The following VIPR1 variants were observed in gnomAD, a reference collection of about 807,000 sequenced individuals.
The protein encoded by VIPR1 is vasoactive intestinal polypeptide receptor 1.
Under a neutral mutation model 58.8 loss-of-function variants are expected in VIPR1, and 59 were observed. That is an observed-to-expected ratio of 1.00 (90% CI 0.81 to 1.25). The LOEUF (loss-of-function observed/expected upper bound fraction) is 1.25. Among genes scored for constraint, VIPR1 ranks in the 50% most tolerant of loss-of-function variants. The pLI is 0.00. For synonymous variants in VIPR1, 251 were observed against 242.1 expected, an observed-to-expected ratio of 1.04 and a Z score of -0.34; for missense variants, 626 against 602.7, an observed-to-expected ratio of 1.04 and a Z score of -0.40.
intron 11 of VIPR1, 35 bp from the exon 12 acceptor site, chr3:42,535,308 G>A (rs1488337648): frequency 6.2e-7 from 1 of 1,613,428 alleles, no homozygotes; most frequent in African/African-American, 1.3e-5. Flanking sequence ...CTTCTGGTCT[G>A]TCTACCTCAC....
upstream of VIPR1, among the ~76,000 whole-genome samples, chr3:42,501,302 C>A (rs1699864329): frequency 1.3e-5 from 2 of 152,068 alleles, no homozygotes; most frequent in Admixed American, 6.5e-5. This position sits in a 1 kb window ranked among gnomAD's most constrained non-coding sequence, Gnocchi z 4.8. Context: ...GGGAGGGAAG[C>A]CCTGGTGGGT....
intron 1 of VIPR1, chr3:42,513,415 C>A: frequency 4.0e-6 from 1 of 250,826 alleles, no homozygotes. Context: ...TGGAGAGTGG[C>A]AGAGTCCAGA....
chr3:42,502,843 C>A, intron 1 of VIPR1, 30 bp downstream of exon 1: 1 of 1,226,734 alleles, frequency 8.2e-7, no homozygotes, highest in Non-Finnish European at 1.0e-6. Flanking sequence ...CCCAGAGTCC[C>A]GGCAGCCTGG....
intron 1 of VIPR1, chr3:42,506,418 C>T (rs531660017): frequency 7.5e-4 from 115 of 152,470 alleles, no homozygotes; most frequent in African/African-American, 2.6e-3. Flanking sequence ...CTGTTCAACC[C>T]CCAGATTCTG....
At chr3:42,528,450 T>A in intron 6 of VIPR1, 1 of 299,990 alleles carries the variant, frequency 3.3e-6, no homozygotes, top group Non-Finnish European at 6.4e-6. Flanking sequence ...TATGTGGCCT[T>A]GGGGAACTTA....
Position 42,496,817 on chromosome 3 carries a change from C to T in VIPR1, c.-245+7139C>T, listed in dbSNP as rs138519750. ...ATATTTTATTTTTAATCCTCTCATA[C>T]GAGCAATCTTTATTTTTAATCTTCC... On this transcript the variant is annotated intron_variant, in intron 1 of 13. Coordinates refer to the VIPR1 transcript ENST00000433647. Among the ~76,000 whole-genome samples, 31 of 152,244 alleles carry T rather than the reference C, an allele frequency of 2.0e-4. No homozygotes were observed. The East Asian group carries it at 4.8e-3, about 24-fold the overall frequency.
chr3:42,536,972 G>A lies in VIPR1; in HGVS notation c.*691G>A, dbSNP rs1701892856. 1 of 152,212 alleles carries A rather than the reference G, an allele frequency of 6.6e-6. No homozygotes were observed. Among genetic ancestry groups the A allele is most frequent in the African/African-American group, 2.4e-5 (1 of 41,444 alleles). 9.4% of individuals were successfully genotyped at this position (152,212 alleles called of 1,614,324 possible). A position where few individuals can be genotyped will look rare whatever the true frequency, so the allele number is the denominator to read the frequency against. ...AACCCAAGGACTGAGGGACTCTGAAGCCTCTGGGAAATGAGAAGGCAGCCA... is the reference window on the plus strand; with the variant it reads ...AACCCAAGGACTGAGGGACTCTGAAACCTCTGGGAAATGAGAAGGCAGCCA... On this transcript the variant is annotated 3_prime_UTR_variant, in exon 13 of 13. Transcript: ENST00000325123.
At chr3:42,532,724 C>T (rs534089293) in intron 10 of VIPR1, 1 of 265,408 alleles carries the variant, frequency 3.8e-6, no homozygotes, top group African/African-American at 2.1e-5. Flanking sequence ...CTGGGGGAGA[C>T]CCCAGTCCAC....
At position 42,525,940 on chromosome 3, in the gene VIPR1, G is replaced by C; in HGVS notation, c.346G>C (p.Gly116Arg). ...CGAAGGCTGGACGCACCTGGAGCCT[G>C]GCCCGTACCCCATTGCCTGTGGTTT... ...TDEGWTHLEP[G>R]PYPIACGLDD... Residue 116 changes from glycine to arginine, a missense_variant, in exon 4 of 13, where the codon GGC (glycine) becomes CGC (arginine). By Grantham distance (125) the Gly-to-Arg change is moderately radical. Transcript: ENST00000325123. The C allele has an allele frequency of 6.2e-7, 1 of 1,613,726 alleles. No individual in the cohort carries two copies. The highest frequency in any genetic ancestry group is 1.1e-5 in the South Asian group (1 of 90,906).
At chr3:42,513,529 C>A (rs543629557) in intron 1 of VIPR1, 92 of 518,450 alleles carry the variant, frequency 1.8e-4, no homozygotes, top group Non-Finnish European at 2.8e-4. Context: ...ATGGGGGAGC[C>A]ATCAAGAAGC....
rs200788566 is a variant in VIPR1, at chr3:42,527,521, C to T, written c.503+25C>T. The T allele has an allele frequency of 8.7e-6, 14 of 1,608,516 alleles. No individual in the cohort carries two copies. In the African/African-American group the frequency reaches 1.7e-4, roughly 20 times the overall value. On this transcript the variant is annotated intron_variant, in intron 5 of 12. Coordinates refer to ENST00000325123, the MANE Select transcript of VIPR1 (RefSeq NM_004624.4). ...GGTGAGGCCCAGCCCAAGTCACAGG[C>T]CTCAAAGCAAACCTGGCAAGTGTCC...
chr3:42,509,178 G>T (rs1238822902), intron 1 of VIPR1: 1 of 152,212 alleles, frequency 6.6e-6, no homozygotes, highest in Non-Finnish European at 1.5e-5. Flanking sequence ...TCTTTCTCCT[G>T]CCTCACCTTA....
Position 42,531,737 on chromosome 3 carries a change from G to A in VIPR1, c.852-66G>A, listed in dbSNP as rs1365652570. ...GGAGCAGAGCTGGGGACAACTGGGG[G>A]AGGTGCTGCTGAGTCTCTCTCTGGC... On this transcript the variant is annotated intron_variant, in intron 8 of 12. Transcript: ENST00000325123. 4.4e-6 allele frequency: 7 copies of A among 1,603,578 alleles called. No individual in the cohort carries two copies. In the Admixed American group the frequency reaches 8.3e-5, roughly 19 times the overall value.
chr3:42,513,479 C>T, intron 1 of VIPR1: 2 of 397,144 alleles, frequency 5.0e-6, no homozygotes, highest in East Asian at 4.6e-5. Flanking sequence ...TGGAGTTGTG[C>T]CACCCGCAAA....
At chr3:42,497,500 A>G (rs1169300446) in intron 1 of VIPR1, among the ~76,000 whole-genome samples, 1 of 152,172 alleles carries the variant, frequency 6.6e-6, no homozygotes, top group Admixed American at 6.5e-5. Context: ...GCATTTGACC[A>G]GAAGCTGTGG....
chr3:42,531,703 A>G (rs1017159704), intron 8 of VIPR1, 100 bp from the exon 9 acceptor site: 1 of 1,570,758 alleles, frequency 6.4e-7, no homozygotes, highest in African/African-American at 1.4e-5. Flanking sequence ...GGGGTTGCTA[A>G]AGTGCTCAGG....
At chr3:42,525,218 T>C (rs1242603315) in intron 3 of VIPR1, among the ~76,000 whole-genome samples, 1 of 152,080 alleles carries the variant, frequency 6.6e-6, no homozygotes, top group Non-Finnish European at 1.5e-5. Flanking sequence ...TAAGCGGTCC[T>C]GTCTCTTTGC....
At position 42,519,270 on chromosome 3, in the gene VIPR1, C is replaced by T. The variant is rs368205872; in HGVS notation, c.232C>T (p.Arg78Trp). The T allele has an allele frequency of 1.6e-5, 25 of 1,610,902 alleles. No individual in the cohort carries two copies. Among genetic ancestry groups the T allele is most frequent in the African/African-American group, 2.7e-5 (2 of 74,838 alleles). ...DNLTCWPATP[R>W]GQVVVLACPL... ...CCTCACCTGCTGGCCAGCCACCCCT[C>T]GGGGCCAGGTAGTTGTCTTGGCCTG... Residue 78 changes from arginine to tryptophan, a missense_variant, in exon 3 of 13, where the codon CGG becomes TGG. By Grantham distance (101) the Arg-to-Trp change is moderately radical. Coordinates refer to ENST00000325123, the MANE Select transcript of VIPR1 (RefSeq NM_004624.4).
intron 1 of VIPR1, among the ~76,000 whole-genome samples, chr3:42,493,537 G>A (rs527372776): frequency 6.6e-6 from 1 of 152,338 alleles, no homozygotes; most frequent in Non-Finnish European, 1.5e-5. Flanking sequence ...GGGGACAGAG[G>A]AGGGATTAGA....
Sources: gnomAD v4.1 joint callset for allele counts (sites outside exome capture counted in the v4.1 genomes callset) on GRCh38, gnomAD v4.1.1 for gene constraint, Gnocchi (gnomAD v3.1) non-coding constraint, MANE v1.5 for transcripts, NCBI Gene and HGNC (gene_info 2026-07-23, HGNC 2026-07-21) for gene names.